LEMD1: variants seen among roughly 807,000 people sequenced by gnomAD.
LEMD1 encodes the protein LEM domain containing 1.
In LEMD1, 18 loss-of-function variants were observed where a neutral mutation model predicts 17.4. The observed-to-expected ratio is 1.04, with a 90% CI of 0.72 to 1.54. LEMD1 has a LOEUF of 1.54. LEMD1 is among the 40% of genes most tolerant of loss of function. The pLI is 0.00. For missense variants in LEMD1, 195 were observed against 210.4 expected (o/e 0.93, Z 0.45); for synonymous variants, 88 against 77.8 (o/e 1.13, Z -0.69).
intron 4 of LEMD1, among the ~76,000 whole-genome samples, chr1:205,401,802 C>T (rs1303526729): frequency 6.6e-6 from 1 of 152,078 alleles, no homozygotes; most frequent in Non-Finnish European, 1.5e-5. Context: ...AATGGTAATG[C>T]CTAGGTTTTC....
chr1:205,395,599 AAAAAAAAAAG>A (rs1200648896), intron 4 of LEMD1, among the ~76,000 whole-genome samples: 1 of 151,834 alleles, frequency 6.6e-6, no homozygotes, highest in East Asian at 1.9e-4. Flanking sequence ...TGTCTCAAAA[AAAAAAAAAAG>A]AAAAAAAAGA....
chr1:205,417,878 T>G (rs185555329), intron 3 of LEMD1, among the ~76,000 whole-genome samples: 236 of 151,428 alleles, frequency 1.6e-3, no homozygotes, highest in African/African-American at 5.5e-3. Context: ...ACAATAGAAA[T>G]TACGAGAAAA....
At chr1:205,442,210 A>G (rs1194253864) in intron 1 of LEMD1, among the ~76,000 whole-genome samples, 2 of 152,174 alleles carry the variant, frequency 1.3e-5, no homozygotes, top group Non-Finnish European at 2.9e-5. Flanking sequence ...CATGGGGGCA[A>G]GCAGGTGAGT....
chr1:205,420,313 C>T (rs933436821), intron 2 of LEMD1, 142 bp downstream of exon 2: 10 of 649,920 alleles, frequency 1.5e-5, no homozygotes, highest in East Asian at 2.8e-5. Flanking sequence ...ATATTTACCG[C>T]CTCTTCCCTC....
At chr1:205,388,969 T>C (rs1021438234) in intron 4 of LEMD1, among the ~76,000 whole-genome samples, 2 of 148,320 alleles carry the variant, frequency 1.3e-5, no homozygotes, top group African/African-American at 4.9e-5. Flanking sequence ...TGGGCTAACA[T>C]CCAGAGCCAG....
chr1:205,447,688 G>A (rs1449670976), intron 1 of LEMD1, among the ~76,000 whole-genome samples: 3 of 152,042 alleles, frequency 2.0e-5, no homozygotes, highest in East Asian at 1.9e-4. Context: ...CACCGCAGGA[G>A]GGGGCAGCTC....
intron 4 of LEMD1, among the ~76,000 whole-genome samples, chr1:205,394,478 G>A (rs1162265490): frequency 2.0e-5 from 3 of 151,920 alleles, no homozygotes; most frequent in Non-Finnish European, 2.9e-5. Context: ...TCCACCTCCC[G>A]AGTTCAAGCA....
chr1:205,436,924 T>C (rs1666218814), intron 1 of LEMD1: 1 of 152,214 alleles, frequency 6.6e-6, no homozygotes, highest in Admixed American at 6.5e-5. Context: ...TGCCTTCCTG[T>C]GAGGTAGGGA....
intron 4 of LEMD1, among the ~76,000 whole-genome samples, chr1:205,408,439 G>A (rs1297043512): frequency 6.6e-6 from 1 of 151,790 alleles, no homozygotes; most frequent in Non-Finnish European, 1.5e-5. Flanking sequence ...GTTTCTGTAA[G>A]TTTGAAAATA....
At chr1:205,392,639 A>G (rs1664397522) in intron 4 of LEMD1, among the ~76,000 whole-genome samples, 1 of 152,162 alleles carries the variant, frequency 6.6e-6, no homozygotes, top group Non-Finnish European at 1.5e-5. Context: ...ATTTGAAGAT[A>G]GAACAATATA....
intron 4 of LEMD1, among the ~76,000 whole-genome samples, chr1:205,404,979 A>G (rs931164668): frequency 1.3e-5 from 2 of 152,166 alleles, no homozygotes; most frequent in Non-Finnish European, 2.9e-5. Flanking sequence ...TTGGCTGGAT[A>G]TGAAATTCTG....
upstream of LEMD1, among the ~76,000 whole-genome samples, chr1:205,422,265 C>A (rs1665986273): frequency 6.6e-6 from 1 of 152,166 alleles, no homozygotes. Context: ...GAGAAGTTAT[C>A]ATTATGCACA....
chr1:205,408,282 G>C lies in LEMD1; in HGVS notation c.270+7950C>G, dbSNP rs560949502. ...TTACTGGGGAGCCCAGGGGCTTCAT[G>C]TCTGCAATTTGCTCTCAAATCATTC... On this transcript the variant is annotated intron_variant, in intron 4 of 5. Transcript: ENST00000367153. Among the ~76,000 whole-genome samples, 14 of 152,016 alleles carry C rather than the reference G, an allele frequency of 9.2e-5. No homozygotes were observed. The South Asian group carries it at 2.9e-3, about 31-fold the overall frequency.
chr1:205,390,869 T>C (rs1664297047), intron 4 of LEMD1, among the ~76,000 whole-genome samples: 1 of 152,170 alleles, frequency 6.6e-6, no homozygotes, highest in African/African-American at 2.4e-5. Context: ...AATTCCCATT[T>C]AAATACACAG....
chr1:205,413,851 G>A (rs911359006), intron 4 of LEMD1, among the ~76,000 whole-genome samples: 1 of 151,384 alleles, frequency 6.6e-6, no homozygotes, highest in African/African-American at 2.4e-5. Flanking sequence ...ACAGGGTTTC[G>A]CCATGTTAGC....
intron 3 of LEMD1, among the ~76,000 whole-genome samples, chr1:205,418,759 G>A (rs1574993648): frequency 6.6e-6 from 1 of 152,200 alleles, no homozygotes; most frequent in Middle Eastern, 3.4e-3. Flanking sequence ...CAGGTGCTCC[G>A]CCTGCCTCGG....
chr1:205,387,959 C>T (rs1664118082), intron 4 of LEMD1, among the ~76,000 whole-genome samples: 1 of 152,210 alleles, frequency 6.6e-6, no homozygotes, highest in East Asian at 1.9e-4. Flanking sequence ...TCAAAACCAC[C>T]CTATGTGAAA....
At chr1:205,384,467 TC>T in intron 4 of LEMD1, 103 bp from the exon 5 acceptor site, 3 of 641,450 alleles carry the variant, frequency 4.7e-6, no homozygotes, top group Non-Finnish European at 7.5e-6. Flanking sequence ...TGCCAAAAGT[TC>T]TTGGCACATT....
In LEMD1 at chr1:205,446,950, G is replaced by T. The variant is rs138436118; in HGVS notation, c.-39+2918C>A. On this transcript the variant is annotated intron_variant, in intron 1 of 3. Coordinates refer to the LEMD1 transcript ENST00000367154. The stretch of plus-strand genomic sequence containing the variant: ...ATCCCCCCGCTCCCCCCGACCTCCT[G>T]TGGGAAAAGGAAAACCAGTGATGGA... Among the ~76,000 whole-genome samples the T allele has an allele frequency of 6.9e-4, 105 of 152,330 alleles. 2 individuals carry two copies. The highest frequency in any genetic ancestry group is 1.3e-3 in the Non-Finnish European group (87 of 68,030).
Sources: allele counts gnomAD v4.1 joint callset (sites outside exome capture counted in the v4.1 genomes callset), GRCh38; gene constraint gnomAD v4.1.1; transcripts MANE v1.5; gene names NCBI Gene and HGNC (gene_info 2026-07-23, HGNC 2026-07-21).